ACP3: variants seen among roughly 807,000 people sequenced by gnomAD.
ACP3 encodes acid phosphatase 3.
ACP3 carries 38 observed loss-of-function variants against 45.6 expected under a neutral mutation model. The observed-to-expected ratio is 0.83, with a 90% CI of 0.64 to 1.09. The LOEUF is 1.09. ACP3 is among the 50% of genes least tolerant of loss of function. ACP3 has a pLI of 0.00. For synonymous variants in ACP3, 162 were observed against 164.7 expected, an observed-to-expected ratio of 0.98 and a Z score of 0.13; for missense variants, 466 against 463.2, an observed-to-expected ratio of 1.01 and a Z score of -0.05.
At chr3:132,349,843 G>C in intron 7 of ACP3, 77 bp from the exon 8 acceptor site, 1 of 993,534 alleles carries the variant, frequency 1.0e-6, no homozygotes, top group Non-Finnish European at 1.6e-6. Context: ...CCGCAACTAT[G>C]AAGTGACAAA....
chr3:132,334,412 C>T (rs73862320), intron 4 of ACP3, among the ~76,000 whole-genome samples: 3,856 of 152,190 alleles, frequency 0.025, 193 homozygotes, highest in African/African-American at 0.088. Flanking sequence ...AAATAGGAGG[C>T]GAAGTTTTTC....
At position 132,358,081 on chromosome 3, in the gene ACP3, AC is replaced by A; in HGVS notation, c.*1204del. The A allele has an allele frequency of 6.2e-6, 1 of 160,432 alleles. No homozygotes were observed. The highest frequency in any genetic ancestry group is 2.0e-4 in the South Asian group (1 of 4,964). The allele number at this position is 160,432 out of a possible 1,614,324, so 9.9% of individuals were successfully genotyped here. ...TAAATAAATAAATAAATAAATAAAA[AC>A]AAAGTTGATTAAGAAAGGAAGTATA... On this transcript the variant is annotated 3_prime_UTR_variant, in exon 10 of 10. Transcript: ENST00000336375.
Position 132,352,815 on chromosome 3 carries a change from T to A in ACP3, c.960T>A (p.Phe320Leu). 1.2e-6 allele frequency: 2 copies of A among 1,605,984 alleles called. No homozygotes were observed. The highest frequency in any genetic ancestry group is 1.7e-6 in the Non-Finnish European group (2 of 1,172,652). ...YASCHLTELY[F>L]EKGEYFVEMY... is the part of the protein sequence containing the mutation. ...CTTGCCACTTGACGGAATTGTACTT[T>A]GAGAAGGGGTAAGTGACTAAGTGCT... Residue 320 changes from phenylalanine to leucine, a missense_variant, in exon 9 of 10, where the codon TTT (phenylalanine) becomes TTA (leucine). Transcript: ENST00000336375.
chr3:132,322,433 A>T (rs915984605), intron 1 of ACP3, among the ~76,000 whole-genome samples: 1 of 152,170 alleles, frequency 6.6e-6, no homozygotes, highest in Non-Finnish European at 1.5e-5. Flanking sequence ...TTACCAATGG[A>T]TTTATTTCTT....
rs1227596068 is a variant in ACP3, at chr3:132,324,645, TTTTA to T, written c.121-3610_121-3607del. Among the ~76,000 whole-genome samples the T allele has an allele frequency of 2.6e-5, 4 of 152,258 alleles. No individual in the cohort carries two copies. The East Asian group carries it at 7.7e-4, about 29-fold the overall frequency. Reference sequence around the variant, plus strand: ...GTAAGGAATTATTATTTTTTTTTATTTTTATTTATTTATTTTGAGACGGAGTCTC... The same window carrying T: ...GTAAGGAATTATTATTTTTTTTTATTTTTATTTATTTTGAGACGGAGTCTC... On this transcript the variant is annotated intron_variant, in intron 1 of 9. Transcript: ENST00000336375.
intron 1 of ACP3, among the ~76,000 whole-genome samples, chr3:132,320,442 C>T (rs536414111): frequency 6.6e-6 from 1 of 152,206 alleles, no homozygotes; most frequent in East Asian, 1.9e-4. Context: ...ACCATATCAT[C>T]CAGAAATAGA....
intron 2 of ACP3, among the ~76,000 whole-genome samples, chr3:132,328,679 CAAAAAAAAAAA>C (rs553521994): frequency 1.4e-5 from 1 of 70,258 alleles, no homozygotes; most frequent in Non-Finnish European, 2.7e-5. Context: ...AACTCTATCT[CAAAAAAAAAAA>C]AAAAAAAAAA....
chr3:132,362,691 G>A (rs1053461293), downstream of ACP3, among the ~76,000 whole-genome samples: 2 of 152,256 alleles, frequency 1.3e-5, no homozygotes, highest in South Asian at 2.1e-4. Flanking sequence ...AAACCTGAAG[G>A]AGAAATGGTA....
At chr3:132,338,597 T>G (rs1937520539) in intron 5 of ACP3, among the ~76,000 whole-genome samples, 1 of 152,226 alleles carries the variant, frequency 6.6e-6, no homozygotes, top group South Asian at 2.1e-4. Flanking sequence ...GTTTTACTAC[T>G]TTCTACTTCT....
chr3:132,358,672 C>T lies in ACP3; in HGVS notation c.*1794C>T. 9.7e-7 allele frequency: 1 copy of T among 1,029,132 alleles called. No individual in the cohort carries two copies. The highest frequency in any genetic ancestry group is 1.7e-5 in the African/African-American group (1 of 59,284). 63.8% of individuals were successfully genotyped at this position (1,029,132 alleles called of 1,614,324 possible). A position where few individuals can be genotyped will look rare whatever the true frequency, so the allele number is the denominator to read the frequency against. ...TTTCCCTCCCAAGTAAATGTTTGTC[C>T]TTGGGTCCATTTTCTATGCTTGTAA... On this transcript the variant is annotated 3_prime_UTR_variant, in exon 10 of 10. Coordinates refer to ENST00000336375, the MANE Select transcript of ACP3 (RefSeq NM_001099.5).
At chr3:132,343,967 C>T (rs1937579246) in intron 6 of ACP3, among the ~76,000 whole-genome samples, 2 of 152,036 alleles carry the variant, frequency 1.3e-5, no homozygotes, top group African/African-American at 4.8e-5. Flanking sequence ...GGCCCTACCT[C>T]TACAAAACAC....
chr3:132,363,878 A>T (rs1305859749), intron 10 of ACP3, among the ~76,000 whole-genome samples: 2 of 152,210 alleles, frequency 1.3e-5, no homozygotes, highest in Non-Finnish European at 2.9e-5. Context: ...CGGAGGTTGC[A>T]GTGAACCGAG....
intron 2 of ACP3, among the ~76,000 whole-genome samples, chr3:132,330,585 G>T (rs1382721361): frequency 6.6e-6 from 1 of 152,238 alleles, no homozygotes; most frequent in Non-Finnish European, 1.5e-5. Context: ...TAGACCTAAA[G>T]TACCTGCTTC....
chr3:132,328,398 G>A, intron 2 of ACP3, 36 bp downstream of exon 2: 1 of 1,572,736 alleles, frequency 6.4e-7, no homozygotes, highest in Non-Finnish European at 8.7e-7. Flanking sequence ...TGTTGATGAA[G>A]CTGGGTGTGG....
chr3:132,349,014 C>G (rs1216878746), intron 7 of ACP3, among the ~76,000 whole-genome samples: 3 of 151,682 alleles, frequency 2.0e-5, no homozygotes, highest in Admixed American at 6.6e-5. Context: ...CACACACACA[C>G]CCTAACACAC....
intron 7 of ACP3, among the ~76,000 whole-genome samples, chr3:132,345,408 GATCAAAA>G (rs1370391553): frequency 3.3e-5 from 5 of 152,136 alleles, no homozygotes; most frequent in Non-Finnish European, 7.3e-5. Context: ...ATCCCCTCCA[GATCAAAA>G]ATCAAGGATC....
chr3:132,324,213 C>A (rs1030978282), intron 1 of ACP3, among the ~76,000 whole-genome samples: 20 of 123,808 alleles, frequency 1.6e-4, no homozygotes, highest in Middle Eastern at 4.2e-3. Context: ...AGCAGGACTC[C>A]ATCTCAAAAA....
exon 11 of ACP3, chr3:132,367,872 A>G: frequency 7.6e-7 from 1 of 1,322,680 alleles, no homozygotes; most frequent in Non-Finnish European, 1.1e-6. Flanking sequence ...AGCATCTCTC[A>G]GTGGTGCCGC....
At chr3:132,332,780 A>C (rs759737167) in intron 4 of ACP3, among the ~76,000 whole-genome samples, 2 of 152,242 alleles carry the variant, frequency 1.3e-5, no homozygotes, top group Non-Finnish European at 1.5e-5. Flanking sequence ...CTAGGTAGAG[A>C]AAAAAAGATT....
Sources: gnomAD v4.1 joint callset for allele counts (sites outside exome capture counted in the v4.1 genomes callset) on GRCh38, gnomAD v4.1.1 for gene constraint, MANE v1.5 for transcripts, NCBI Gene and HGNC (gene_info 2026-07-23, HGNC 2026-07-21) for gene names.